HIPK3: variants seen among roughly 807,000 people sequenced by gnomAD.
The protein encoded by HIPK3 is homeodomain interacting protein kinase 3, also known as homeodomain-interacting protein kinase 3.
A neutral mutation model predicts 124.2 loss-of-function variants in HIPK3; 47 were observed. The ratio of observed to expected loss-of-function variants is 0.38; its 90% CI spans 0.30 to 0.48. The LOEUF (loss-of-function observed/expected upper bound fraction) is 0.48. Among genes scored for constraint, HIPK3 ranks in the 20% least tolerant of loss-of-function variants. The pLI is 0.98. For missense variants in HIPK3, 1,286 were observed against 1,454.3 expected (o/e 0.88, Z 1.88); for synonymous variants, 482 against 515.2 (o/e 0.94, Z 0.87).
At chr11:33,311,692 T>C (rs185546078) in intron 2 of HIPK3, among the ~76,000 whole-genome samples, 1 of 152,144 alleles carries the variant, frequency 6.6e-6, no homozygotes, top group East Asian at 1.9e-4. Context: ...AAACACACCC[T>C]TTTTTGTTTT....
intron 1 of HIPK3, among the ~76,000 whole-genome samples, chr11:33,277,062 A>T (rs761159923): frequency 3.9e-5 from 6 of 152,194 alleles, no homozygotes; most frequent in Non-Finnish European, 7.3e-5. Context: ...CTATTCTCTG[A>T]TAGATTTTTT....
chr11:33,303,978 G>C (rs1852079101), intron 2 of HIPK3, among the ~76,000 whole-genome samples: 5 of 152,014 alleles, frequency 3.3e-5, no homozygotes, highest in Admixed American at 2.6e-4. Context: ...GAGTCTCTCT[G>C]TCACCAGGCT....
chr11:33,263,078 C>G (rs1320603873), intron 1 of HIPK3, among the ~76,000 whole-genome samples: 1 of 152,182 alleles, frequency 6.6e-6, no homozygotes, highest in Non-Finnish European at 1.5e-5. Flanking sequence ...CTTTGTTGCT[C>G]TGGCTGGTCT....
intron 1 of HIPK3, among the ~76,000 whole-genome samples, chr11:33,283,545 T>G (rs2133896187): frequency 6.6e-6 from 1 of 152,324 alleles, no homozygotes; most frequent in East Asian, 1.9e-4. Flanking sequence ...CAAGAAAACT[T>G]GTAGGAAGCT....
rs34512764 is a variant in HIPK3, at chr11:33,286,391, CTTTTTT to C, written c.-2-10_-2-5del. 49 of 1,164,330 alleles carry C rather than the reference CTTTTTT, an allele frequency of 4.2e-5. No homozygotes were observed. Among genetic ancestry groups the C allele is most frequent in the Admixed American group, 1.8e-4 (4 of 21,778 alleles). 72.1% of individuals were successfully genotyped at this position (1,164,330 alleles called of 1,614,324 possible). On this transcript the variant is annotated splice_polypyrimidine_tract_variant and intron_variant, in intron 1 of 16. Coordinates refer to ENST00000303296, the MANE Select transcript of HIPK3 (RefSeq NM_005734.5). The stretch of plus-strand genomic sequence containing the variant: ...TTCTTCTTTCCTTTTTTTTCTTTTC[CTTTTTT>C]TTTTTTTTTTTGCAGGTATGGCCTC...
At chr11:33,308,440 AGTTACTTTCT>A (rs1383209482) in intron 2 of HIPK3, among the ~76,000 whole-genome samples, 1 of 152,162 alleles carries the variant, frequency 6.6e-6, no homozygotes, top group African/African-American at 2.4e-5. Context: ...ATGTTTTGAG[AGTTACTTTCT>A]GTCTGCACTT....
intron 2 of HIPK3, among the ~76,000 whole-genome samples, chr11:33,327,737 C>T (rs1198867547): frequency 6.6e-6 from 1 of 152,172 alleles, no homozygotes; most frequent in Non-Finnish European, 1.5e-5. Context: ...TAAAATTAAA[C>T]ACATGCACAC....
In HIPK3 at chr11:33,310,610, AT is replaced by A. The variant is rs528401082; in HGVS notation, c.1098-17897del. ...AGGCATGAGCCACCGTGCCCAGCCT[AT>A]TTAAGTTTAAATTAATTAAAATTAA... On this transcript the variant is annotated intron_variant, in intron 2 of 16. Transcript: ENST00000303296. 2.5e-4 allele frequency among the ~76,000 whole-genome samples: 38 copies of A among 152,284 alleles called. No homozygotes were observed. In the East Asian group the frequency reaches 7.3e-3, roughly 29 times the overall value.
At chr11:33,257,319 C>T, upstream of HIPK3, 4 of 983,802 alleles carry the variant, frequency 4.1e-6, no homozygotes, top group Non-Finnish European at 4.8e-6. Flanking sequence ...CGGGCGGTGG[C>T]GCTGCGGAGG....
chr11:33,257,075 C>A (rs866119323), upstream of HIPK3, among the ~76,000 whole-genome samples: 2 of 152,216 alleles, frequency 1.3e-5, no homozygotes, highest in Middle Eastern at 3.4e-3. Context: ...GTATTTCTGG[C>A]GGAGGGGGCA....
intron 1 of HIPK3, among the ~76,000 whole-genome samples, chr11:33,259,507 G>A (rs967697218): frequency 6.6e-6 from 1 of 152,146 alleles, no homozygotes; most frequent in Admixed American, 6.5e-5. Flanking sequence ...ATTATCTTAT[G>A]CTTTCGTGCC....
chr11:33,309,845 GTTC>G (rs1434908333), intron 2 of HIPK3, among the ~76,000 whole-genome samples: 1 of 152,116 alleles, frequency 6.6e-6, no homozygotes, highest in Non-Finnish European at 1.5e-5. Flanking sequence ...TTTGTTTATG[GTTC>G]TTTTTTTGGA....
intron 2 of HIPK3, among the ~76,000 whole-genome samples, chr11:33,322,945 G>T (rs1852707874): frequency 6.6e-6 from 1 of 152,206 alleles, no homozygotes; most frequent in South Asian, 2.1e-4. Flanking sequence ...TCTTCATGTA[G>T]ACCCTCTCTA....
chr11:33,298,517 T>A (rs1851903186), intron 2 of HIPK3, among the ~76,000 whole-genome samples: 1 of 152,254 alleles, frequency 6.6e-6, no homozygotes, highest in African/African-American at 2.4e-5. Context: ...GGTAAGGCCA[T>A]AGCTGCTATA....
chr11:33,353,205 A>G lies in HIPK3; in HGVS notation c.3285A>G (p.Gly1095=), dbSNP rs997254992. Residue 1095 remains glycine, a synonymous_variant, in exon 17 of 17, where the codon GGA becomes GGG. Coordinates refer to ENST00000303296, the MANE Select transcript of HIPK3 (RefSeq NM_005734.5). Reference sequence around the variant, plus strand: ...GTAATCCATTCACTCTTTCTCATGGAAGTCCCAATCACACAGCAGTGCATG... The same window carrying G: ...GTAATCCATTCACTCTTTCTCATGGGAGTCCCAATCACACAGCAGTGCATG... The part of the protein sequence containing the change: ...VTSNPFTLSH[G]SPNHTAVHAH... 2 of 1,613,858 alleles carry G rather than the reference A, an allele frequency of 1.2e-6. No individual in the cohort carries two copies. Among genetic ancestry groups the G allele is most frequent in the African/African-American group, 2.7e-5 (2 of 74,872 alleles).
chr11:33,308,965 T>A (rs1565077438), intron 2 of HIPK3, among the ~76,000 whole-genome samples: 1 of 151,714 alleles, frequency 6.6e-6, no homozygotes, highest in East Asian at 1.9e-4. Context: ...TGTAAAACAT[T>A]AAAAAAATAG....
chr11:33,288,019 C>T (rs1851602523), intron 2 of HIPK3, among the ~76,000 whole-genome samples: 1 of 152,116 alleles, frequency 6.6e-6, no homozygotes, highest in South Asian at 2.1e-4. Context: ...TTTGCACTGC[C>T]AACTAGTTAA....
Position 33,285,166 on chromosome 11 carries a change from G to A in HIPK3, c.-2-1247G>A, listed in dbSNP as rs117344882. Among the ~76,000 whole-genome samples, 1,422 of 152,152 alleles carry A rather than the reference G, an allele frequency of 9.3e-3. 10 individuals are homozygous for A. The highest frequency in any genetic ancestry group is 0.015 in the Admixed American group (227 of 15,270). On this transcript the variant is annotated intron_variant, in intron 1 of 16. Coordinates refer to ENST00000303296, the MANE Select transcript of HIPK3 (RefSeq NM_005734.5). ...TTAATGGTTGTGTGGTAAGAATGTT[G>A]GCTATTTCAGCCTCAATAAACTCAC...
intron 2 of HIPK3, among the ~76,000 whole-genome samples, chr11:33,294,392 TTCTC>T (rs1209907290): frequency 6.6e-6 from 1 of 152,040 alleles, no homozygotes; most frequent in Non-Finnish European, 1.5e-5. Flanking sequence ...TTATCAATCA[TTCTC>T]TCTTTACACA....
Sources: gnomAD v4.1 joint callset for allele counts (sites outside exome capture counted in the v4.1 genomes callset) on GRCh38, gnomAD v4.1.1 for gene constraint, MANE v1.5 for transcripts, NCBI Gene and HGNC (gene_info 2026-07-23, HGNC 2026-07-21) for gene names.